The following SPMIP2 variants were observed in gnomAD, a reference collection of about 807,000 sequenced individuals.
SPMIP2 encodes protein SPMIP2.
chr4:158,965,181 T>C, the SPMIP2 span, among the ~76,000 whole-genome samples: 1 of 152,146 alleles, frequency 6.6e-6, no homozygotes, highest in Non-Finnish European at 1.5e-5. Flanking sequence ...TTTTTTAATT[T>C]TCTCCCAGTA....
At chr4:159,075,271 G>A in the SPMIP2 span, among the ~76,000 whole-genome samples, 1 of 152,274 alleles carries the variant, frequency 6.6e-6, no homozygotes, top group South Asian at 2.1e-4. Context: ...TACATTTCAT[G>A]TGACAGAAAC....
the SPMIP2 span, among the ~76,000 whole-genome samples, chr4:159,022,158 C>G: frequency 6.6e-6 from 1 of 152,114 alleles, no homozygotes; most frequent in South Asian, 2.1e-4. Flanking sequence ...GGTATTATTT[C>G]CTTGCAATGA....
chr4:158,912,552 G>T, the SPMIP2 span, among the ~76,000 whole-genome samples: 2 of 152,322 alleles, frequency 1.3e-5, no homozygotes, highest in African/African-American at 4.8e-5. Flanking sequence ...AGTAAGAATA[G>T]TAATGATAGC....
At chr4:158,990,440 C>T in the SPMIP2 span, among the ~76,000 whole-genome samples, 2 of 152,194 alleles carry the variant, frequency 1.3e-5, no homozygotes, top group Non-Finnish European at 2.9e-5. Context: ...ATGGTTATTG[C>T]AGCACTGTTC....
the SPMIP2 span, among the ~76,000 whole-genome samples, chr4:158,918,387 T>C: frequency 6.6e-6 from 1 of 152,218 alleles, no homozygotes; most frequent in Non-Finnish European, 1.5e-5. Context: ...CTGGAAATAA[T>C]TTCAAGAAAG....
chr4:158,972,994 C>T, the SPMIP2 span: 1 of 904,678 alleles, frequency 1.1e-6, no homozygotes, highest in Admixed American at 2.7e-5. Context: ...AATCAAGCAC[C>T]CGACATTTCC....
chr4:158,893,695 T>C, the SPMIP2 span: 2 of 1,588,918 alleles, frequency 1.3e-6, no homozygotes, highest in East Asian at 2.2e-5. Context: ...GTTATGCTGA[T>C]TTAGAGGTTA....
the SPMIP2 span, among the ~76,000 whole-genome samples, chr4:159,062,121 C>T: frequency 6.6e-6 from 1 of 152,168 alleles, no homozygotes; most frequent in Non-Finnish European, 1.5e-5. Context: ...GACAGGACTA[C>T]CATGGGACCC....
At chr4:158,908,428 G>C in the SPMIP2 span, among the ~76,000 whole-genome samples, 2 of 152,188 alleles carry the variant, frequency 1.3e-5, no homozygotes, top group Non-Finnish European at 2.9e-5. Flanking sequence ...CATGATTTTT[G>C]TATATAATGC....
the SPMIP2 span, among the ~76,000 whole-genome samples, chr4:158,992,836 G>A: frequency 1.3e-5 from 2 of 152,134 alleles, no homozygotes; most frequent in Non-Finnish European, 2.9e-5. Context: ...CATTCATGAG[G>A]GAGGAGCCCT....
chr4:159,022,780 C>G, the SPMIP2 span, among the ~76,000 whole-genome samples: 1 of 152,078 alleles, frequency 6.6e-6, no homozygotes, highest in Admixed American at 6.6e-5. Context: ...GCCTGTAATC[C>G]CAGCACTTTG....
chr4:158,937,477 T>C, the SPMIP2 span: 1 of 154,428 alleles, frequency 6.5e-6, no homozygotes, highest in East Asian at 1.9e-4. Context: ...GCATGGGTCA[T>C]GCTTACTTGT....
At chr4:158,926,211 C>A in the SPMIP2 span, among the ~76,000 whole-genome samples, 1 of 151,618 alleles carries the variant, frequency 6.6e-6, no homozygotes, top group Non-Finnish European at 1.5e-5. Context: ...GTTATTATTT[C>A]CTTACTTCCA....
chr4:159,055,602 T>C, the SPMIP2 span, among the ~76,000 whole-genome samples: 7 of 151,996 alleles, frequency 4.6e-5, no homozygotes, highest in East Asian at 1.4e-3. Flanking sequence ...CCCAGCTAAT[T>C]GAGGAGCTGA....
the SPMIP2 span, among the ~76,000 whole-genome samples, chr4:159,002,544 T>C: frequency 6.6e-6 from 1 of 152,194 alleles, no homozygotes; most frequent in African/African-American, 2.4e-5. Context: ...TAATCTAAGA[T>C]CACAAAGTTT....
the SPMIP2 span, among the ~76,000 whole-genome samples, chr4:158,927,667 G>A: frequency 1.3e-5 from 2 of 152,348 alleles, no homozygotes; most frequent in South Asian, 2.1e-4. Context: ...GCCAAGGCCA[G>A]AGCCGGCTCC....
At chr4:158,950,493 C>T in the SPMIP2 span, among the ~76,000 whole-genome samples, 1 of 152,162 alleles carries the variant, frequency 6.6e-6, no homozygotes, top group South Asian at 2.1e-4. Flanking sequence ...CCCATTTATG[C>T]CAAGCACCAT....
chr4:158,959,843 G>C, the SPMIP2 span, among the ~76,000 whole-genome samples: 1 of 152,118 alleles, frequency 6.6e-6, no homozygotes, highest in Non-Finnish European at 1.5e-5. Context: ...AAGCCATTAT[G>C]TGACTTTAGT....
At chr4:159,071,573 A>G in the SPMIP2 span, among the ~76,000 whole-genome samples, 2 of 152,240 alleles carry the variant, frequency 1.3e-5, no homozygotes, top group African/African-American at 4.8e-5. Flanking sequence ...AAATGAAGCA[A>G]GTATCTGGAC....
Sources: gnomAD v4.1 joint callset for allele counts (sites outside exome capture counted in the v4.1 genomes callset) on GRCh38, gnomAD v4.1.1 for gene constraint, MANE v1.5 for transcripts, NCBI Gene and HGNC (gene_info 2026-07-23, HGNC 2026-07-21) for gene names.